Variants in ARFIP1 observed in about 807,000 individuals in gnomAD.
ARFIP1 encodes the protein arfaptin-1.
Under a neutral mutation model 42.5 loss-of-function variants are expected in ARFIP1, and 24 were observed. That is an observed-to-expected ratio of 0.57 (90% CI 0.41 to 0.80). The LOEUF is 0.80. Ranked by LOEUF, ARFIP1 falls within the 30% of genes least tolerant of loss-of-function variation. The probability of loss-of-function intolerance (pLI) is 0.00; values close to 1 mark genes in which losing one functional copy is unlikely to be tolerated. For missense variants in ARFIP1, 354 were observed against 434.0 expected (o/e 0.82, Z 1.64); for synonymous variants, 141 against 153.7 (o/e 0.92, Z 0.61).
intron 8 of ARFIP1, among the ~76,000 whole-genome samples, chr4:152,899,888 A>G (rs1346077311): frequency 3.3e-5 from 5 of 152,194 alleles, no homozygotes; most frequent in Admixed American, 2.6e-4. Flanking sequence ...CACAGATGAT[A>G]ATGCTGGGGT....
At chr4:152,815,738 CTTTT>C (rs1218298842) in intron 1 of ARFIP1, among the ~76,000 whole-genome samples, 1 of 85,546 alleles carries the variant, frequency 1.2e-5, no homozygotes, top group Non-Finnish European at 2.2e-5. Context: ...CTGACCACTT[CTTTT>C]TTTTTTTTTT....
chr4:152,888,552 C>G (rs1449336789), intron 8 of ARFIP1, among the ~76,000 whole-genome samples: 1 of 152,086 alleles, frequency 6.6e-6, no homozygotes, highest in African/African-American at 2.4e-5. Flanking sequence ...GATGGACAGC[C>G]ATTGATCTTT....
chr4:152,813,857 A>AT (rs1729661665), intron 1 of ARFIP1, among the ~76,000 whole-genome samples: 1 of 152,192 alleles, frequency 6.6e-6, no homozygotes, highest in East Asian at 1.9e-4. Context: ...AAATAGGGTT[A>AT]TTTTTTGTAT....
chr4:152,793,405 A>C (rs1731249724), intron 1 of ARFIP1, among the ~76,000 whole-genome samples: 1 of 150,760 alleles, frequency 6.6e-6, no homozygotes, highest in Admixed American at 6.6e-5. Context: ...ATGTTTCTCT[A>C]TCTGCCTTGA....
chr4:152,793,135 A>G (rs1460259411), intron 1 of ARFIP1, among the ~76,000 whole-genome samples: 2 of 152,030 alleles, frequency 1.3e-5, no homozygotes, highest in Non-Finnish European at 2.9e-5. Context: ...CCTAAACAGC[A>G]TAAATTATAT....
chr4:152,861,289 A>G (rs889955271), intron 2 of ARFIP1, among the ~76,000 whole-genome samples: 1 of 152,298 alleles, frequency 6.6e-6, no homozygotes, highest in Admixed American at 6.5e-5. Flanking sequence ...AGAAGATTCT[A>G]TTCATCTTTA....
chr4:152,844,275 T>C (rs1360637560), intron 2 of ARFIP1, among the ~76,000 whole-genome samples: 3 of 152,218 alleles, frequency 2.0e-5, no homozygotes, highest in Non-Finnish European at 2.9e-5. Flanking sequence ...AGGTGTCTCC[T>C]GGGTCCTCCG....
rs529238128 is a variant in ARFIP1 at position 152,880,802 on chromosome 4, G to A, written c.412-161G>A. 3.0e-4 allele frequency among the ~76,000 whole-genome samples: 46 copies of A among 152,230 alleles called. 2 individuals carry two copies. The South Asian group carries it at 8.7e-3, about 29-fold the overall frequency. ...TAGTAATAATTATTAGACACATCTGGTGAATTTACTTTCTGAGTCCTGATC... is the reference window on the plus strand; with the variant it reads ...TAGTAATAATTATTAGACACATCTGATGAATTTACTTTCTGAGTCCTGATC... On this transcript the variant is annotated intron_variant, in intron 5 of 8. Coordinates refer to ENST00000353617, the MANE Select transcript of ARFIP1 (RefSeq NM_001025595.3).
intron 1 of ARFIP1, among the ~76,000 whole-genome samples, chr4:152,809,257 T>C (rs922173978): frequency 6.6e-6 from 1 of 152,206 alleles, no homozygotes; most frequent in Non-Finnish European, 1.5e-5. Context: ...TTAAAACTAC[T>C]TTAAATGCAT....
At chr4:152,865,495 T>C (rs1201532372) in intron 3 of ARFIP1, among the ~76,000 whole-genome samples, 2 of 152,180 alleles carry the variant, frequency 1.3e-5, no homozygotes, top group Non-Finnish European at 1.5e-5. Context: ...ACAGTTTAGA[T>C]TTTGAAGTAT....
Position 152,870,918 on chromosome 4 carries a change from A to T in ARFIP1, c.298+70A>T, listed in dbSNP as rs538566615. 6.0e-6 allele frequency: 8 copies of T among 1,322,898 alleles called. No homozygotes were observed. In the African/African-American group the frequency reaches 1.2e-4, roughly 19 times the overall value. The allele number at this position is 1,322,898 out of a possible 1,614,324, so 81.9% of individuals were successfully genotyped here. Reference sequence around the variant, plus strand: ...AAGCTACACTAATTTACTCAGTTTCATAATCACTTGCTTTATATTCTTAGG... The same window carrying T: ...AAGCTACACTAATTTACTCAGTTTCTTAATCACTTGCTTTATATTCTTAGG... On this transcript the variant is annotated intron_variant, in intron 4 of 8. Transcript: ENST00000353617.
chr4:152,876,682 C>A (rs1735368069), intron 5 of ARFIP1, among the ~76,000 whole-genome samples: 1 of 152,234 alleles, frequency 6.6e-6, no homozygotes, highest in African/African-American at 2.4e-5. Flanking sequence ...TGTCTTCAGG[C>A]CATGTCAGAA....
intron 3 of ARFIP1, among the ~76,000 whole-genome samples, chr4:152,870,494 A>G (rs982870417): frequency 1.3e-5 from 2 of 152,194 alleles, no homozygotes; most frequent in African/African-American, 4.8e-5. Flanking sequence ...TCCTGGTTAG[A>G]TGTCATCTAC....
chr4:152,835,219 T>A (rs889675957), intron 2 of ARFIP1, among the ~76,000 whole-genome samples: 2 of 152,360 alleles, frequency 1.3e-5, no homozygotes, highest in East Asian at 3.9e-4. Flanking sequence ...TTTTCCAAAC[T>A]TTTATGCTCT....
intron 1 of ARFIP1, among the ~76,000 whole-genome samples, chr4:152,782,056 A>ATG (rs1292607232): frequency 6.6e-6 from 1 of 151,592 alleles, no homozygotes; most frequent in Admixed American, 6.6e-5. Flanking sequence ...TTGTGTGTGT[A>ATG]TGTGTGTGTG....
chr4:152,794,828 T>G (rs1473920265), intron 1 of ARFIP1, among the ~76,000 whole-genome samples: 1 of 152,210 alleles, frequency 6.6e-6, no homozygotes, highest in Non-Finnish European at 1.5e-5. Context: ...TTACTCCTTG[T>G]TTTTGATCTA....
At chr4:152,840,173 G>A (rs529112776) in intron 2 of ARFIP1, among the ~76,000 whole-genome samples, 7 of 152,272 alleles carry the variant, frequency 4.6e-5, no homozygotes, top group African/African-American at 1.7e-4. Flanking sequence ...CCTATCATAT[G>A]GTCTATCTTA....
In ARFIP1 at chr4:152,851,375, G is replaced by T. The variant is rs1732965246; in HGVS notation, c.94-12231G>T. On this transcript the variant is annotated intron_variant, in intron 2 of 8. Transcript: ENST00000353617. Reference sequence around the variant, plus strand: ...CTGAAGGATGACCTAGCCAGATAAAGGGTGAAAAATATTCTCATCAGAAGC... The same window carrying T: ...CTGAAGGATGACCTAGCCAGATAAATGGTGAAAAATATTCTCATCAGAAGC... Among the ~76,000 whole-genome samples the T allele has an allele frequency of 2.0e-5, 3 of 152,258 alleles. No individual in the cohort carries two copies. In the East Asian group the frequency reaches 5.8e-4, roughly 29 times the overall value.
At chr4:152,892,319 C>G (rs7685603) in intron 8 of ARFIP1, among the ~76,000 whole-genome samples, 26,544 of 152,060 alleles carry the variant, frequency 0.17, 2,465 homozygotes, top group African/African-American at 0.23. Flanking sequence ...TGCAGCTTTT[C>G]TCTCTCTCTG....
Sources: allele counts gnomAD v4.1 joint callset (sites outside exome capture counted in the v4.1 genomes callset), GRCh38; gene constraint gnomAD v4.1.1; transcripts MANE v1.5; gene names NCBI Gene and HGNC (gene_info 2026-07-23, HGNC 2026-07-21).